The following DNAH17 variants were observed in gnomAD, a reference collection of about 807,000 sequenced individuals.
DNAH17 encodes the protein axonemal beta dynein heavy chain 17.
A neutral mutation model predicts 485.6 loss-of-function variants in DNAH17; 376 were observed. The observed-to-expected ratio is 0.77, with a 90% confidence interval of 0.71 to 0.84. The LOEUF is 0.84. Ranked by LOEUF, DNAH17 falls within the 40% of genes least tolerant of loss-of-function variation. The probability of loss-of-function intolerance (pLI) is 0.00; values close to 1 mark genes in which losing one functional copy is unlikely to be tolerated. For missense variants in DNAH17, 6,370 were observed against 5,839.3 expected (o/e 1.09, Z -2.96); for synonymous variants, 3,031 against 2,405.9 (o/e 1.26, Z -7.60).
chr17:78,439,533 T>C (rs991330556), intron 72 of DNAH17, among the ~76,000 whole-genome samples: 1 of 152,122 alleles, frequency 6.6e-6, no homozygotes, highest in Non-Finnish European at 1.5e-5. Flanking sequence ...CCTTTGTGTC[T>C]CCATGGATTT....
intron 56 of DNAH17, among the ~76,000 whole-genome samples, chr17:78,465,558 T>C (rs1324545241): frequency 0.075 from 10,442 of 139,668 alleles, 519 homozygotes; most frequent in Non-Finnish European, 0.11. Context: ...TCGTCTGAGA[T>C]GTGGGGAGCG....
In DNAH17 at chr17:78,570,996, C is replaced by A; in HGVS notation, c.870G>T (p.Lys290Asn). Residue 290 changes from lysine (K) to asparagine (N), a missense_variant, in exon 6 of 81, where the codon AAG becomes AAT. Coordinates refer to ENST00000389840, the MANE Select transcript of DNAH17 (RefSeq NM_173628.4). ...KEANDIVLYLKPLRILLEEME... is the reference protein window; with the variant it reads ...KEANDIVLYLNPLRILLEEME... The stretch of plus-strand genomic sequence containing the variant: ...TCTCCTCCAGCAGGATCCGTAGGGG[C>A]TTCAAATAGAGCACGATGTCGTTGG... 3 of 1,582,800 alleles carry A rather than the reference C, an allele frequency of 1.9e-6. No homozygotes were observed. The highest frequency in any genetic ancestry group is 2.6e-6 in the Non-Finnish European group (3 of 1,164,470).
At chr17:78,545,897 C>A (rs918524328) in intron 16 of DNAH17, among the ~76,000 whole-genome samples, 6 of 151,780 alleles carry the variant, frequency 4.0e-5, no homozygotes, top group African/African-American at 1.5e-4. Context: ...TCTAGTTGTT[C>A]TTTGCTGATT....
rs1292109870 is a variant in DNAH17, at chr17:78,543,978, A to C, written c.2411T>G (p.Leu804Arg). 6 of 1,613,972 alleles carry C rather than the reference A, an allele frequency of 3.7e-6. No homozygotes were observed. The highest frequency in any genetic ancestry group is 3.3e-5 in the Admixed American group (2 of 60,022). ...TTTCTTATTGTCCTTTCTTTCAAACAGCGGGTTGGCCGACCAGTCCTGGAA... is the reference window on the plus strand; with the variant it reads ...TTTCTTATTGTCCTTTCTTTCAAACCGCGGGTTGGCCGACCAGTCCTGGAA... Reference protein sequence around the residue: ...QAMKDWSANPLFERKDNKKEA... With the variant: ...QAMKDWSANPRFERKDNKKEA... Residue 804 changes from leucine (L) to arginine (R), a missense_variant, in exon 17 of 81, where the codon CTG becomes CGG. Transcript: ENST00000389840.
intron 68 of DNAH17, 104 bp from the exon 69 acceptor site, chr17:78,449,688 GTTTC>G: frequency 1.6e-6 from 2 of 1,220,330 alleles, no homozygotes; most frequent in Non-Finnish European, 2.3e-6. Flanking sequence ...AGTTTGTTTT[GTTTC>G]TTTGAGACAG....
intron 30 of DNAH17, among the ~76,000 whole-genome samples, chr17:78,505,708 G>C (rs1443061077): frequency 6.6e-6 from 1 of 152,204 alleles, no homozygotes; most frequent in East Asian, 1.9e-4. Flanking sequence ...GTGGGGCATG[G>C]TGGCTCACAC....
intron 13 of DNAH17, among the ~76,000 whole-genome samples, chr17:78,558,534 GATGACATCATCATTGCATGTGT>G (rs1257827520): frequency 3.5e-5 from 5 of 143,314 alleles, no homozygotes; most frequent in African/African-American, 7.9e-5. Context: ...CTCATGGGTG[GATGACATCATCATTGCATGTGT>G]ATGACATCAT....
At chr17:78,460,672 T>C (rs2088073934) in intron 58 of DNAH17, among the ~76,000 whole-genome samples, 1 of 152,128 alleles carries the variant, frequency 6.6e-6, no homozygotes, top group Admixed American at 6.5e-5. Flanking sequence ...GCCTCGACAG[T>C]TGGGTGGGAT....
In DNAH17 at chr17:78,476,711, T is replaced by C. The variant is rs372725978; in HGVS notation, c.8015A>G (p.Glu2672Gly). Residue 2672 changes from glutamate to glycine, a missense_variant, in exon 52 of 81, where the codon GAA becomes GGA. Glu to Gly is a moderately conservative substitution (Grantham distance 98). Transcript: ENST00000389840. ...GAGGTCCAGTGGGGTTTTCAGAACT[T>C]CTGCTGTGGAAAATAAGAGTCCCTG... is the stretch of plus-strand genomic sequence containing the variant. ...IFQGLLFSTA[E>G]VLKTPLDLVR... 2.6e-5 allele frequency: 42 copies of C among 1,612,710 alleles called. No individual in the cohort carries two copies. Among genetic ancestry groups the C allele is most frequent in the Admixed American group, 1.0e-4 (6 of 59,840 alleles).
At chr17:78,505,127 G>A (rs2090445157) in intron 31 of DNAH17, among the ~76,000 whole-genome samples, 166 bp downstream of exon 31, 1 of 152,042 alleles carries the variant, frequency 6.6e-6, no homozygotes. Context: ...CTATAAAGAG[G>A]CCCATCCCTT....
At chr17:78,493,817 G>T (rs2089961068) in intron 41 of DNAH17, among the ~76,000 whole-genome samples, 1 of 152,220 alleles carries the variant, frequency 6.6e-6, no homozygotes, top group Non-Finnish European at 1.5e-5. Flanking sequence ...CAGGGAGGGA[G>T]GCCTCACCCA....
At chr17:78,485,157 C>T in intron 47 of DNAH17, 124 bp from the exon 48 acceptor site, 1 of 1,273,438 alleles carries the variant, frequency 7.9e-7, no homozygotes. Flanking sequence ...TCCAAGTTTA[C>T]CAAAGGTACC....
intron 54 of DNAH17, among the ~76,000 whole-genome samples, chr17:78,469,113 G>T (rs555881817): frequency 6.6e-6 from 1 of 151,898 alleles, no homozygotes; most frequent in Non-Finnish European, 1.5e-5. Flanking sequence ...ACAGGCACAC[G>T]CCGCCATGGG....
chr17:78,569,301 A>C (rs368189411), intron 8 of DNAH17, 49 bp from the exon 9 acceptor site: 317 of 1,598,724 alleles, frequency 2.0e-4, no homozygotes, highest in Non-Finnish European at 2.7e-4. Flanking sequence ...CAAATGTCCC[A>C]AGTTTATCAA....
chr17:78,478,579 TACC>T (rs960749876), intron 51 of DNAH17, among the ~76,000 whole-genome samples: 5 of 144,554 alleles, frequency 3.5e-5, no homozygotes, highest in Non-Finnish European at 6.0e-5. Context: ...CCATCACCAT[TACC>T]ACCATCACTA....
chr17:78,511,571 G>C (rs967495892), intron 26 of DNAH17, among the ~76,000 whole-genome samples: 1 of 152,234 alleles, frequency 6.6e-6, no homozygotes, highest in East Asian at 1.9e-4. Context: ...ATCACCGTTA[G>C]TCTAGTACGA....
chr17:78,459,254 T>C (rs758015331), intron 60 of DNAH17, 46 bp from the exon 61 acceptor site: 2 of 1,571,486 alleles, frequency 1.3e-6, no homozygotes, highest in Admixed American at 3.3e-5. Flanking sequence ...TGTCCTGCTC[T>C]GGCAAAACGG....
rs777400358 is a variant in DNAH17, at chr17:78,462,911, G to A, written c.9107C>T (p.Thr3036Met). ...CCTCTCGATTTTGGCAACAAGTTCC[G>A]TTCTCTTCTTGGCCAGCAGGTTCTG... ...LYQNLLAKKR[T>M]ELVAKIERLE... Residue 3036 changes from threonine to methionine, a missense_variant, in exon 57 of 81, where the codon ACG becomes ATG. By Grantham distance (81) the Thr-to-Met change is moderately conservative (BLOSUM62 -1). Transcript: ENST00000389840. 4.6e-5 allele frequency: 74 copies of A among 1,613,864 alleles called. No individual in the cohort carries two copies. In the Middle Eastern group the frequency reaches 4.9e-4, roughly 11 times the overall value.
intron 44 of DNAH17, among the ~76,000 whole-genome samples, chr17:78,488,910 G>T (rs1032582266): frequency 6.6e-6 from 1 of 152,076 alleles, no homozygotes; most frequent in Non-Finnish European, 1.5e-5. Flanking sequence ...AGCTGGGAGA[G>T]AGGCCTGGGA....
Sources: allele counts gnomAD v4.1 joint callset (sites outside exome capture counted in the v4.1 genomes callset), GRCh38; gene constraint gnomAD v4.1.1; transcripts MANE v1.5; gene names NCBI Gene and HGNC (gene_info 2026-07-23, HGNC 2026-07-21).